Variants in CAPN7 observed in about 807,000 individuals in gnomAD.
CAPN7 encodes calpain 7.
In CAPN7, 72 loss-of-function variants were observed where a neutral mutation model predicts 115.2. That is an observed-to-expected ratio of 0.63 (90% confidence interval 0.52 to 0.76). The LOEUF (loss-of-function observed/expected upper bound fraction) is 0.76. Ranked by LOEUF, CAPN7 falls within the 30% of genes least tolerant of loss-of-function variation. The pLI, the probability that CAPN7 is intolerant of heterozygous loss-of-function variation, is 0.00. For missense variants in CAPN7, 905 were observed against 971.5 expected, an observed-to-expected ratio of 0.93 and a Z score of 0.91; for synonymous variants, 344 against 322.3, an observed-to-expected ratio of 1.07 and a Z score of -0.72.
intron 19 of CAPN7, among the ~76,000 whole-genome samples, chr3:15,249,333 T>G (rs938172693): frequency 6.6e-6 from 1 of 152,138 alleles, no homozygotes; most frequent in Admixed American, 6.5e-5. Flanking sequence ...TTTTTTTTAA[T>G]TATAAGCATG....
chr3:15,208,126 A>G (rs1036252316), intron 1 of CAPN7, among the ~76,000 whole-genome samples: 2 of 151,786 alleles, frequency 1.3e-5, no homozygotes, highest in African/African-American at 4.8e-5. Flanking sequence ...GGGGACCACT[A>G]TCATATATTC....
At chr3:15,245,936 A>C (rs568013451) in intron 17 of CAPN7, 1 of 283,390 alleles carries the variant, frequency 3.5e-6, no homozygotes, top group East Asian at 7.1e-5. Flanking sequence ...GACTAATAAT[A>C]CATTTCTTTT....
intron 1 of CAPN7, among the ~76,000 whole-genome samples, chr3:15,211,605 A>G (rs374780639): frequency 4.2e-4 from 63 of 151,292 alleles, no homozygotes; most frequent in Non-Finnish European, 7.1e-4. Flanking sequence ...AAAAAAAAGT[A>G]TGATTTGGGC....
Position 15,206,438 on chromosome 3 carries a change from C to T in CAPN7, c.-58C>T, listed in dbSNP as rs1192180283. ...GCCGCCGCCGGGCCGCCGCAGTCCG[C>T]GAAGAGCCGTCCTGCGTCAGGGCCT... On this transcript the variant is annotated 5_prime_UTR_variant, in exon 1 of 21. Coordinates refer to ENST00000253693, the MANE Select transcript of CAPN7 (RefSeq NM_014296.3). 6 of 1,338,260 alleles carry T rather than the reference C, an allele frequency of 4.5e-6. No homozygotes were observed. The highest frequency in any genetic ancestry group is 5.2e-6 in the Non-Finnish European group (5 of 968,358). The allele number at this position is 1,338,260 out of a possible 1,614,324, so 82.9% of individuals were successfully genotyped here.
rs1694419843 is a variant in CAPN7 at position 15,227,849 on chromosome 3, GGCAA to G, written c.739_742del (p.Lys247TyrfsTer26). 2 of 1,518,108 alleles carry G rather than the reference GGCAA, an allele frequency of 1.3e-6. No homozygotes were observed. Among genetic ancestry groups the G allele is most frequent in the Admixed American group, 4.2e-5 (2 of 47,408 alleles). 94.0% of individuals were successfully genotyped at this position (1,518,108 alleles called of 1,614,324 possible). On this transcript the variant is annotated frameshift_variant, in exon 7 of 21. Coordinates refer to ENST00000253693, the MANE Select transcript of CAPN7 (RefSeq NM_014296.3). LOFTEE classifies it high-confidence loss of function. ...TTATTATTACCTCAGTGATAGATGGGGCAAGCTACCATTATCACCTAAACAAAAA... is the reference window on the plus strand; with the variant it reads ...TTATTATTACCTCAGTGATAGATGGGGCTACCATTATCACCTAAACAAAAA...
intron 1 of CAPN7, chr3:15,210,733 C>T (rs1291270228): frequency 4.8e-6 from 6 of 1,239,444 alleles, no homozygotes; most frequent in South Asian, 1.3e-5. Context: ...GTAGCTGGGA[C>T]TACTTTGTAG....
At chr3:15,219,817 GCTGTCTGTGATCCAGCCC>G (rs1461986825) in intron 4 of CAPN7, among the ~76,000 whole-genome samples, 1 of 152,146 alleles carries the variant, frequency 6.6e-6, no homozygotes, top group Non-Finnish European at 1.5e-5. Flanking sequence ...ATCATGTGAG[GCTGTCTGTGATCCAGCCC>G]CTGCTTTCCT....
intron 19 of CAPN7, among the ~76,000 whole-genome samples, chr3:15,248,772 C>T (rs920551457): frequency 3.3e-5 from 5 of 152,020 alleles, no homozygotes; most frequent in Non-Finnish European, 5.9e-5. Context: ...ACAGGAGGAT[C>T]GAGTTCAGGA....
intron 2 of CAPN7, among the ~76,000 whole-genome samples, chr3:15,215,278 C>G (rs148189552): frequency 6.6e-6 from 1 of 152,120 alleles, no homozygotes; most frequent in African/African-American, 2.4e-5. Context: ...AAAAAAAAAC[C>G]AAAAACACGT....
chr3:15,222,272 G>T (rs773271501), intron 5 of CAPN7, among the ~76,000 whole-genome samples: 3 of 152,080 alleles, frequency 2.0e-5, no homozygotes, highest in Non-Finnish European at 4.4e-5. Context: ...TGTTCCACAA[G>T]GAGCTGTACC....
At chr3:15,208,302 A>G (rs1393271174) in intron 1 of CAPN7, among the ~76,000 whole-genome samples, 1 of 150,002 alleles carries the variant, frequency 6.7e-6, no homozygotes, top group Non-Finnish European at 1.5e-5. Context: ...TTTTTTTTTA[A>G]GAGACAGCGT....
intron 5 of CAPN7, among the ~76,000 whole-genome samples, chr3:15,221,931 G>C (rs1197024008): frequency 6.6e-6 from 1 of 151,670 alleles, no homozygotes; most frequent in Non-Finnish European, 1.5e-5. Context: ...TCCAGCTTGG[G>C]CAACAGAGGG....
At position 15,216,708 on chromosome 3, in the gene CAPN7, A is replaced by G. The variant is rs191713974; in HGVS notation, c.212-717A>G. ...AAAAAAGTTTTAATTGCCTTAAAAT[A>G]GATTTCTTAATATTTAGCAATTTCC... On this transcript the variant is annotated intron_variant, in intron 2 of 20. Coordinates refer to ENST00000253693, the MANE Select transcript of CAPN7 (RefSeq NM_014296.3). 9.2e-5 allele frequency among the ~76,000 whole-genome samples: 14 copies of G among 152,324 alleles called. No individual in the cohort carries two copies. The East Asian group carries it at 2.1e-3, about 23-fold the overall frequency.
chr3:15,219,873 G>A (rs1050634195), intron 4 of CAPN7, among the ~76,000 whole-genome samples: 17 of 152,088 alleles, frequency 1.1e-4, no homozygotes, highest in Admixed American at 4.6e-4. Flanking sequence ...GCTGCCTCTC[G>A]TTTGCACTTC....
intron 1 of CAPN7, among the ~76,000 whole-genome samples, chr3:15,210,472 T>C (rs1248621870): frequency 6.8e-6 from 1 of 147,184 alleles, no homozygotes; most frequent in Non-Finnish European, 1.5e-5. Context: ...TGTAAAGTTA[T>C]ACTTTCCTCC....
At chr3:15,218,619 A>G in intron 4 of CAPN7, 79 bp downstream of exon 4, 1 of 998,938 alleles carries the variant, frequency 1.0e-6, no homozygotes, top group South Asian at 1.4e-5. Context: ...TGTGTTGTAA[A>G]GGCTGCAGTA....
chr3:15,206,523 G>T lies in CAPN7; in HGVS notation c.28G>T (p.Ala10Ser). Residue 10 changes from alanine to serine, a missense_variant, in exon 1 of 21, where the codon GCT becomes TCT. Physicochemically the swap from Ala to Ser is moderately conservative, Grantham distance 99 (BLOSUM62 1). Coordinates refer to ENST00000253693, the MANE Select transcript of CAPN7 (RefSeq NM_014296.3). MDATALERD[A>S]VQFARLAVQR... is the part of the protein sequence containing the mutation. ...GGACGCCACAGCACTGGAGCGGGAC[G>T]CTGTGCAGTTCGCCCGTCTGGCGGT... The T allele has an allele frequency of 6.4e-7, 1 of 1,554,400 alleles. No individual in the cohort carries two copies. Among genetic ancestry groups the T allele is most frequent in the African/African-American group, 1.4e-5 (1 of 72,952 alleles).
chr3:15,220,398 C>T (rs970815226), intron 4 of CAPN7, among the ~76,000 whole-genome samples: 2 of 152,160 alleles, frequency 1.3e-5, no homozygotes, highest in African/African-American at 4.8e-5. Context: ...AAGTGAATAA[C>T]TTCTGTTGTA....
chr3:15,229,172 G>C, intron 8 of CAPN7, 113 bp downstream of exon 8: 1 of 686,688 alleles, frequency 1.5e-6, no homozygotes, highest in Non-Finnish European at 2.5e-6. Context: ...TCAGAATATG[G>C]CCCTTCTGTA....
Sources: allele counts gnomAD v4.1 joint callset (sites outside exome capture counted in the v4.1 genomes callset), GRCh38; gene constraint gnomAD v4.1.1; transcripts MANE v1.5; gene names NCBI Gene and HGNC (gene_info 2026-07-23, HGNC 2026-07-21).